Variants in TJP1 observed in about 807,000 individuals in gnomAD.
TJP1 encodes the protein tight junction protein 1, also known as tight junction protein ZO-1.
TJP1 carries 43 observed loss-of-function variants against 194.2 expected under a neutral mutation model. That is an observed-to-expected ratio of 0.22 (90% CI 0.17 to 0.29). The LOEUF (loss-of-function observed/expected upper bound fraction) is 0.29. Among genes scored for constraint, TJP1 ranks in the 10% least tolerant of loss-of-function variants. TJP1 has a pLI of 1.00. For missense variants in TJP1, 1,971 were observed against 2,185.7 expected (o/e 0.90, Z 1.96); for synonymous variants, 801 against 779.0 (o/e 1.03, Z -0.47).
chr15:29,875,069 C>T (rs2052651237), intron 2 of TJP1, among the ~76,000 whole-genome samples: 1 of 152,152 alleles, frequency 6.6e-6, no homozygotes, highest in Non-Finnish European at 1.5e-5. Flanking sequence ...AATCCTATTA[C>T]ATAAAGATTT....
chr15:29,779,098 A>G (rs370896976), intron 2 of TJP1, among the ~76,000 whole-genome samples: 2 of 152,326 alleles, frequency 1.3e-5, no homozygotes, highest in African/African-American at 4.8e-5. Flanking sequence ...TAACTTCCGA[A>G]TGTGGGTCAC....
rs553776086 is a variant in TJP1, at chr15:29,718,467, C to T, written c.3675G>A (p.Pro1225=). The change falls in exon 21 of 28, where the codon CCG becomes CCA. Residue 1225 remains proline (P), a synonymous_variant. Coordinates refer to ENST00000614355, the MANE Select transcript of TJP1 (RefSeq NM_001330239.4). ...GCTTATGCTGAGATGAAGGTATCAG[C>T]GGAGGGACAGCTGCAGCACCATGGA... is the stretch of plus-strand genomic sequence containing the variant. ...EPLHGAAAVP[P]LIPSSQHKPE... 22 of 1,614,088 alleles carry T rather than the reference C, an allele frequency of 1.4e-5. No individual in the cohort carries two copies. Among genetic ancestry groups the T allele is most frequent in the East Asian group, 8.9e-5 (4 of 44,874 alleles).
chr15:29,794,158 T>C (rs1054686204), intron 2 of TJP1, among the ~76,000 whole-genome samples: 2 of 152,174 alleles, frequency 1.3e-5, no homozygotes, highest in African/African-American at 4.8e-5. Context: ...AATATTTCTT[T>C]TTTAATTCAA....
chr15:29,780,538 G>A (rs939125888), intron 2 of TJP1, among the ~76,000 whole-genome samples: 8 of 152,174 alleles, frequency 5.3e-5, no homozygotes, highest in African/African-American at 1.9e-4. Context: ...GTTCCTAACA[G>A]GCCAAAGATC....
intron 6 of TJP1, 56 bp from the exon 7 acceptor site, chr15:29,761,825 CTTAG>C (rs1305428636): frequency 7.1e-7 from 1 of 1,418,436 alleles, no homozygotes; most frequent in Non-Finnish European, 9.4e-7. Context: ...CAAATGTTAA[CTTAG>C]TTTGTTATAA....
At chr15:29,741,580 A>G in intron 9 of TJP1, 144 bp from the exon 10 acceptor site, 1 of 594,154 alleles carries the variant, frequency 1.7e-6, no homozygotes, top group Non-Finnish European at 3.0e-6. Context: ...TTTTATAGTA[A>G]TAAATTCTGA....
intron 2 of TJP1, among the ~76,000 whole-genome samples, chr15:29,862,632 A>C (rs1238423293): frequency 7.0e-6 from 1 of 142,640 alleles, no homozygotes; most frequent in Non-Finnish European, 1.5e-5. Context: ...GGTAGGCAAT[A>C]GGTTTTTTTC....
At chr15:29,798,297 A>C (rs1030486091) in intron 2 of TJP1, among the ~76,000 whole-genome samples, 1 of 150,172 alleles carries the variant, frequency 6.7e-6, no homozygotes, top group African/African-American at 2.5e-5. Context: ...TTTTCTTTCT[A>C]AATCTGACAA....
intron 15 of TJP1, among the ~76,000 whole-genome samples, chr15:29,729,749 G>A (rs964198696): frequency 1.3e-5 from 2 of 151,798 alleles, no homozygotes; most frequent in African/African-American, 4.8e-5. Flanking sequence ...GAACCCAGGA[G>A]GTGAAACTTG....
At chr15:29,733,044 T>G (rs1022719879) in intron 13 of TJP1, 50 bp downstream of exon 13, 2 of 1,543,616 alleles carry the variant, frequency 1.3e-6, no homozygotes, top group African/African-American at 2.7e-5. Context: ...TGAAATGATC[T>G]ATCATCATTT....
At chr15:29,821,426 T>G (rs2050336416) in intron 1 of TJP1, 2 of 152,210 alleles carry the variant, frequency 1.3e-5, no homozygotes, top group Admixed American at 1.3e-4. Context: ...CTTAAATAAG[T>G]AATACAGCAT....
Position 29,895,312 on chromosome 15 carries a change from T to C in TJP1, c.306+60920A>G, listed in dbSNP as rs142619209. Among the ~76,000 whole-genome samples, 71 of 152,328 alleles carry C rather than the reference T, an allele frequency of 4.7e-4. 1 individual carries two copies. The highest frequency in any genetic ancestry group is 3.4e-3 in the Middle Eastern group (1 of 294). On this transcript the variant is annotated intron_variant, in intron 2 of 28. Transcript: ENST00000356107. ...ATTATTCTCTTCTCACATTTTACTA[T>C]AAGCACTCAACAGACGCCAACCCAC... is the stretch of plus-strand genomic sequence containing the variant.
intron 2 of TJP1, among the ~76,000 whole-genome samples, chr15:29,798,530 C>A (rs565703212): frequency 2.0e-5 from 3 of 152,194 alleles, no homozygotes; most frequent in Admixed American, 6.5e-5. Flanking sequence ...GGATGCTCAA[C>A]CCATATCAAG....
At chr15:29,902,636 T>C (rs768767961) in intron 2 of TJP1, among the ~76,000 whole-genome samples, 17 of 152,340 alleles carry the variant, frequency 1.1e-4, no homozygotes, top group Non-Finnish European at 7.3e-5. Context: ...TCAGCCATAA[T>C]GGAATTACTT....
intron 15 of TJP1, chr15:29,730,627 G>A (rs2043573418): frequency 1.6e-6 from 1 of 621,414 alleles, no homozygotes; most frequent in Non-Finnish European, 3.0e-6. Flanking sequence ...GTGTGAAGAA[G>A]AGGCGAGAAC....
Position 29,708,875 on chromosome 15 carries a change from C to T in TJP1, c.4534G>A (p.Gly1512Arg). The change falls in exon 25 of 28, where the codon GGA (glycine) becomes AGA (arginine). Residue 1512 changes from glycine (G) to arginine (R), a missense_variant. By Grantham distance (125) the Gly-to-Arg change is moderately radical. This residue lies in a region of TJP1 where 1,108 missense variants were observed against 1,128.5 expected (regional missense o/e 0.98). Transcript: ENST00000614355. ...ACTGTTTTCTGAGTCTGTTCAGTTC[C>T]ATTAACTGGGGCTTTATCTGGAAAA... is the stretch of plus-strand genomic sequence containing the variant. ...KSFPDKAPVN[G>R]TEQTQKTVTP... is the part of the protein sequence containing the mutation. 1 of 1,614,080 alleles carries T rather than the reference C, an allele frequency of 6.2e-7. No individual in the cohort carries two copies. The highest frequency in any genetic ancestry group is 8.5e-7 in the Non-Finnish European group (1 of 1,180,018).
intron 2 of TJP1, among the ~76,000 whole-genome samples, chr15:29,799,814 CT>C: frequency 1.3e-5 from 2 of 152,268 alleles, no homozygotes; most frequent in South Asian, 4.1e-4. Context: ...CAACATGATT[CT>C]TTCCCCTTTC....
At chr15:29,872,018 A>T (rs2052542664) in intron 2 of TJP1, among the ~76,000 whole-genome samples, 1 of 152,222 alleles carries the variant, frequency 6.6e-6, no homozygotes, top group Non-Finnish European at 1.5e-5. Context: ...CACAGCACAC[A>T]GCTGTCAGAA....
chr15:29,768,109 T>C (rs12916720), intron 4 of TJP1, among the ~76,000 whole-genome samples: 99,209 of 152,002 alleles, frequency 0.65, 33,108 homozygotes, highest in East Asian at 0.73. Flanking sequence ...CACTTAATAC[T>C]ACTGCTTCCT....
Sources: allele counts gnomAD v4.1 joint callset (sites outside exome capture counted in the v4.1 genomes callset), GRCh38; gene constraint gnomAD v4.1.1; regional missense constraint gnomAD v4.1.1; transcripts MANE v1.5; gene names NCBI Gene and HGNC (gene_info 2026-07-23, HGNC 2026-07-21).